Variants in PLXNA4 observed in about 807,000 individuals in gnomAD.
PLXNA4 encodes plexin-A4.
PLXNA4 carries 44 observed loss-of-function variants against 191.8 expected under a neutral mutation model. The observed-to-expected ratio is 0.23, with a 90% CI of 0.18 to 0.29. The LOEUF (loss-of-function observed/expected upper bound fraction) is 0.29, where lower values mean the gene tolerates loss of function less well. PLXNA4 is among the 10% of genes least tolerant of loss of function. PLXNA4 has a pLI of 1.00. For synonymous variants in PLXNA4, 1,082 were observed against 1,009.5 expected (o/e 1.07, Z -1.36); for missense variants, 1,800 against 2,488.8 (o/e 0.72, Z 5.89).
At chr7:132,160,093 CCTT>C (rs1261857408) in intron 24 of PLXNA4, among the ~76,000 whole-genome samples, 3 of 152,138 alleles carry the variant, frequency 2.0e-5, no homozygotes, top group Admixed American at 6.5e-5. Context: ...TTGTCTGTCT[CCTT>C]CTTGTCACTC....
At chr7:132,339,656 C>T (rs765312087) in intron 3 of PLXNA4, among the ~76,000 whole-genome samples, 1 of 152,174 alleles carries the variant, frequency 6.6e-6, no homozygotes, top group African/African-American at 2.4e-5. Flanking sequence ...AATATAACCT[C>T]TCTCCCCCTG....
chr7:132,179,572 G>T (rs976964585), intron 20 of PLXNA4, 115 bp downstream of exon 20: 2 of 1,459,744 alleles, frequency 1.4e-6, no homozygotes, highest in Non-Finnish European at 1.8e-6. Context: ...GCCCACTGCT[G>T]CCCAGCCTGC....
intron 2 of PLXNA4, among the ~76,000 whole-genome samples, chr7:132,489,838 G>C (rs1169716406): frequency 6.6e-6 from 1 of 152,222 alleles, no homozygotes; most frequent in Non-Finnish European, 1.5e-5. Context: ...GGTCAGCCCA[G>C]ATGAGCAGGG....
In PLXNA4 at chr7:132,490,413, C is replaced by A. The variant is rs577784574; in HGVS notation, c.1189-939G>T. On this transcript the variant is annotated intron_variant, in intron 2 of 31. Coordinates refer to ENST00000321063, the MANE Select transcript of PLXNA4 (RefSeq NM_020911.2). ...TCTCCTAAACATTTTATTCACTGAACCTTTTCTTCCTTTTTTTTTTTTTTT... is the reference window on the plus strand; with the variant it reads ...TCTCCTAAACATTTTATTCACTGAAACTTTTCTTCCTTTTTTTTTTTTTTT... Among the ~76,000 whole-genome samples the A allele has an allele frequency of 8.8e-5, 12 of 135,642 alleles. No homozygotes were observed. In the East Asian group the frequency reaches 2.1e-3, roughly 23 times the overall value. The allele number at this position is 135,642 out of a possible 152,430, so 89.0% of individuals were successfully genotyped here. A position where few individuals can be genotyped will look rare whatever the true frequency, so the allele number is the denominator to read the frequency against.
At chr7:132,613,227 C>A (rs1163955106) in intron 2 of PLXNA4, among the ~76,000 whole-genome samples, 1 of 152,104 alleles carries the variant, frequency 6.6e-6, no homozygotes, top group Non-Finnish European at 1.5e-5. Context: ...AACTCGGGAT[C>A]TTCTCGCATC....
intron 1 of PLXNA4, among the ~76,000 whole-genome samples, chr7:132,562,648 T>C: frequency 9.0e-6 from 1 of 110,932 alleles, no homozygotes; most frequent in Non-Finnish European, 1.8e-5. Flanking sequence ...CTCTTTCTCC[T>C]CCTCCTCCTC....
At chr7:132,351,408 A>C (rs975914215) in intron 3 of PLXNA4, among the ~76,000 whole-genome samples, 3 of 152,236 alleles carry the variant, frequency 2.0e-5, no homozygotes, top group African/African-American at 7.2e-5. Flanking sequence ...AATTGATTCA[A>C]AGTTCCATAA....
intron 17 of PLXNA4, 120 bp from the exon 18 acceptor site, chr7:132,181,740 A>T (rs1351957888): frequency 6.8e-7 from 1 of 1,472,028 alleles, no homozygotes; most frequent in Non-Finnish European, 9.0e-7. Context: ...AGAGGATTAG[A>T]GATGAGTCAG....
chr7:132,362,379 C>G (rs1411585037), intron 3 of PLXNA4, among the ~76,000 whole-genome samples: 8 of 152,184 alleles, frequency 5.3e-5, no homozygotes, highest in Non-Finnish European at 1.2e-4. Flanking sequence ...AACTAGCCCC[C>G]TTGCTCTCCA....
intron 3 of PLXNA4, among the ~76,000 whole-genome samples, chr7:132,436,647 T>G (rs1237656292): frequency 6.6e-6 from 1 of 152,178 alleles, no homozygotes; most frequent in Non-Finnish European, 1.5e-5. Flanking sequence ...AGTTGCTACA[T>G]GGAAAATCAG....
chr7:132,130,470 G>C lies in PLXNA4; in HGVS notation c.*9C>G. The C allele has an allele frequency of 6.2e-7, 1 of 1,614,170 alleles. No homozygotes were observed. Among genetic ancestry groups the C allele is most frequent in the Non-Finnish European group, 8.5e-7 (1 of 1,180,000 alleles). ...GTCCCCCTCCAGGGCGGCCCTGGAAGGACGGTTCTCAGCTGTCTAAGCTCA... is the reference window on the plus strand; with the variant it reads ...GTCCCCCTCCAGGGCGGCCCTGGAACGACGGTTCTCAGCTGTCTAAGCTCA... On this transcript the variant is annotated 3_prime_UTR_variant, in exon 32 of 32. Coordinates refer to ENST00000321063, the MANE Select transcript of PLXNA4 (RefSeq NM_020911.2).
chr7:132,260,486 C>A (rs796099121), intron 4 of PLXNA4, among the ~76,000 whole-genome samples: 1 of 151,906 alleles, frequency 6.6e-6, no homozygotes, highest in African/African-American at 2.4e-5. Context: ...AAGATAAAGA[C>A]GGGAACAACA....
At position 132,298,120 on chromosome 7, in the gene PLXNA4, C is replaced by T. The variant is rs769317682; in HGVS notation, c.1474G>A (p.Glu492Lys). ...CTCTCTGACATGATGTAGAGTTGCT[C>T]GTGGTCCTTGGAGAAGGCCATATCC... The part of the protein sequence containing the change: ...LRDMAFSKDH[E>K]QLYIMSERQL... The change falls in exon 4 of 32, where the codon GAG becomes AAG. Residue 492 changes from glutamate (E) to lysine (K), a missense_variant. Physicochemically the swap from Glu to Lys is moderately conservative, Grantham distance 56. Coordinates refer to ENST00000321063, the MANE Select transcript of PLXNA4 (RefSeq NM_020911.2). 6.8e-6 allele frequency: 11 copies of T among 1,614,038 alleles called. No homozygotes were observed. Among genetic ancestry groups the T allele is most frequent in the East Asian group, 4.5e-5 (2 of 44,884 alleles).
At chr7:132,132,595 C>A (rs149245828) in intron 31 of PLXNA4, among the ~76,000 whole-genome samples, 1 of 151,684 alleles carries the variant, frequency 6.6e-6, no homozygotes, top group Admixed American at 6.6e-5. Flanking sequence ...CTATTCTATT[C>A]CATTCTGTTT....
chr7:132,366,902 C>A (rs371674514), intron 3 of PLXNA4, among the ~76,000 whole-genome samples: 2 of 152,194 alleles, frequency 1.3e-5, no homozygotes, highest in African/African-American at 4.8e-5. Context: ...GCTGGAACCA[C>A]AGACACTTGC....
chr7:132,428,490 AGAAAGGGAAAACAGCTG>A (rs1795135246), intron 3 of PLXNA4, among the ~76,000 whole-genome samples: 1 of 152,224 alleles, frequency 6.6e-6, no homozygotes, highest in Admixed American at 6.5e-5. Flanking sequence ...GTGTCAGCAG[AGAAAGGGAAAACAGCTG>A]GGTCTCTAGG....
intron 3 of PLXNA4, among the ~76,000 whole-genome samples, chr7:132,370,023 G>A (rs139101515): frequency 6.8e-6 from 1 of 147,570 alleles, no homozygotes; most frequent in African/African-American, 2.5e-5. Context: ...AGCCAAGATC[G>A]CACCACTGCA....
chr7:132,399,170 T>C (rs1165822220), intron 3 of PLXNA4, among the ~76,000 whole-genome samples: 1 of 152,156 alleles, frequency 6.6e-6, no homozygotes, highest in Non-Finnish European at 1.5e-5. Flanking sequence ...CTGGAGTATT[T>C]ACACACAGTT....
chr7:132,520,064 T>C (rs1356604320), intron 1 of PLXNA4, among the ~76,000 whole-genome samples: 2 of 152,190 alleles, frequency 1.3e-5, no homozygotes, highest in Non-Finnish European at 2.9e-5. Flanking sequence ...CGTGATGTGA[T>C]GATTACAACA....
Sources: allele counts gnomAD v4.1 joint callset (sites outside exome capture counted in the v4.1 genomes callset), GRCh38; gene constraint gnomAD v4.1.1; transcripts MANE v1.5; gene names NCBI Gene and HGNC (gene_info 2026-07-23, HGNC 2026-07-21).